MATK: variants seen among roughly 807,000 people sequenced by gnomAD.
MATK encodes the protein megakaryocyte-associated tyrosine kinase.
MATK carries 41 observed loss-of-function variants against 59.8 expected under a neutral mutation model. The observed-to-expected ratio is 0.69, with a 90% CI of 0.53 to 0.89. MATK has a LOEUF of 0.89. Among genes scored for constraint, MATK ranks in the 40% least tolerant of loss-of-function variants. MATK has a pLI of 0.00. For synonymous variants in MATK, 308 were observed against 306.1 expected, an observed-to-expected ratio of 1.01 and a Z score of -0.06; for missense variants, 593 against 719.6, an observed-to-expected ratio of 0.82 and a Z score of 2.01.
At chr19:3,783,033 C>T in intron 7 of MATK, 93 bp downstream of exon 7, 1 of 1,132,824 alleles carries the variant, frequency 8.8e-7, no homozygotes, top group East Asian at 2.4e-5. Context: ...CTTGGGTGAT[C>T]TGGCCTCAGA....
At position 3,783,467 on chromosome 19, in the gene MATK, C is replaced by T. The variant is rs114603814; in HGVS notation, c.583-248G>A. On this transcript the variant is annotated intron_variant, in intron 6 of 13. Coordinates refer to ENST00000310132, the MANE Select transcript of MATK (RefSeq NM_139355.3). ...GTCCCTGGAGGTAGAACCAGGCTGA[C>T]TCAGGCCACCTGTAGATTGGGCAGT... Among the ~76,000 whole-genome samples, 1,311 of 152,214 alleles carry T rather than the reference C, an allele frequency of 8.6e-3. 18 individuals carry two copies. Among genetic ancestry groups the T allele is most frequent in the African/African-American group, 0.03 (1,265 of 41,508 alleles).
In MATK at chr19:3,779,605, G is replaced by T. The variant is rs369836671; in HGVS notation, c.855C>A (p.His285Gln). The change falls in exon 10 of 14, where the codon CAC becomes CAA. Residue 285 changes from histidine (H) to glutamine (Q), a missense_variant. By Grantham distance (24) the His-to-Gln change is conservative. Transcript: ENST00000310132. ...CGCCCAGGAGACGCACCAGGTTCTC[G>T]TGTTGCATCTTCCTGGGGGCGGTGG... Reference protein sequence around the residue: ...DETAVMTKMQHENLVRLLGVI... With the variant: ...DETAVMTKMQQENLVRLLGVI... 2 of 1,611,986 alleles carry T rather than the reference G, an allele frequency of 1.2e-6. No homozygotes were observed. Among genetic ancestry groups the T allele is most frequent in the Non-Finnish European group, 1.7e-6 (2 of 1,179,536 alleles).
intron 1 of MATK, among the ~76,000 whole-genome samples, chr19:3,796,103 A>T (rs192701441): frequency 2.6e-4 from 40 of 152,200 alleles, no homozygotes; most frequent in Admixed American, 2.2e-3. Flanking sequence ...CATGGCATGT[A>T]ATAAGCTCTC....
intron 1 of MATK, chr19:3,793,256 G>A (rs936615997): frequency 6.6e-6 from 1 of 152,238 alleles, no homozygotes; most frequent in African/African-American, 2.4e-5. Context: ...AACTGGGTCT[G>A]TGTCACATCC....
At chr19:3,798,100 T>TA (rs1250865938) in intron 1 of MATK, among the ~76,000 whole-genome samples, 1 of 152,002 alleles carries the variant, frequency 6.6e-6, no homozygotes, top group Non-Finnish European at 1.5e-5. Context: ...AAGGCAAACT[T>TA]ATACTTGTTT....
upstream of MATK, chr19:3,789,239 A>G: frequency 1.3e-6 from 1 of 766,266 alleles, no homozygotes; most frequent in Non-Finnish European, 2.4e-6. Context: ...AAATATCTGC[A>G]GCGGAAAACC....
At chr19:3,783,007 TG>T in intron 7 of MATK, 118 bp downstream of exon 7, 2 of 856,236 alleles carry the variant, frequency 2.3e-6, no homozygotes, top group Non-Finnish European at 3.8e-6. Context: ...ATCCCATAGC[TG>T]GGCATGGAGA....
chr19:3,781,135 G>A (rs1476509869), intron 8 of MATK, among the ~76,000 whole-genome samples: 2 of 152,134 alleles, frequency 1.3e-5, no homozygotes, highest in Non-Finnish European at 2.9e-5. Context: ...TAGTTTTCAT[G>A]GCCACGCCCA....
intron 1 of MATK, among the ~76,000 whole-genome samples, chr19:3,792,800 G>A (rs1048963298): frequency 2.0e-5 from 3 of 152,152 alleles, no homozygotes; most frequent in African/African-American, 7.2e-5. Flanking sequence ...TTACAGGCGT[G>A]AGCCACCGTT....
upstream of MATK, among the ~76,000 whole-genome samples, chr19:3,789,802 G>A (rs1292221776): frequency 1.4e-5 from 2 of 143,366 alleles, no homozygotes; most frequent in South Asian, 4.4e-4. Context: ...TCGGCTCACT[G>A]CAACCTCCAT....
At chr19:3,801,126 C>A (rs1428180998) in intron 1 of MATK, among the ~76,000 whole-genome samples, 4 of 152,182 alleles carry the variant, frequency 2.6e-5, no homozygotes, top group Admixed American at 2.6e-4. Flanking sequence ...CGTGAGCCAC[C>A]GCGCCCGGCC....
chr19:3,778,727 C>T (rs2037354776), intron 12 of MATK, 132 bp from the exon 13 acceptor site: 16 of 1,041,668 alleles, frequency 1.5e-5, no homozygotes, highest in Admixed American at 4.1e-5. Flanking sequence ...CCCCCAACGC[C>T]GCCCGCAGTT....
intron 1 of MATK, among the ~76,000 whole-genome samples, chr19:3,800,819 C>T (rs1212560369): frequency 6.6e-6 from 1 of 152,074 alleles, no homozygotes; most frequent in Non-Finnish European, 1.5e-5. Flanking sequence ...TGTGGAAAAA[C>T]ACATGTAACA....
chr19:3,791,013 C>T (rs2145110963), upstream of MATK, among the ~76,000 whole-genome samples: 1 of 152,300 alleles, frequency 6.6e-6, no homozygotes, highest in East Asian at 1.9e-4. Flanking sequence ...GTTCCGTATC[C>T]TTAGAACCAG....
At position 3,783,852 on chromosome 19, in the gene MATK, CATCGATT is replaced by C; in HGVS notation, c.537_543del (p.Ile180ArgfsTer27). On this transcript the variant is annotated frameshift_variant, in exon 6 of 14. Transcript: ENST00000310132. LOFTEE classifies it high-confidence loss of function. ...ATGAGGTTGCAGAAGAACACGGCCT[CATCGATT>C]GTGAGGTGGCCGTCGCGGTGCAGCA... is the stretch of plus-strand genomic sequence containing the variant. 1.2e-6 allele frequency: 2 copies of C among 1,613,126 alleles called. No homozygotes were observed. The highest frequency in any genetic ancestry group is 1.7e-6 in the Non-Finnish European group (2 of 1,179,798).
chr19:3,778,405 C>T lies in MATK; in HGVS notation c.1302G>A (p.Ser434=), dbSNP rs374573673. 22 of 1,612,992 alleles carry T rather than the reference C, an allele frequency of 1.4e-5. No homozygotes were observed. The highest frequency in any genetic ancestry group is 5.3e-5 in the African/African-American group (4 of 75,034). ...TGCGGTACCCCTTCTCCACGGCCTCCGACACCTCTTTCAGTGACTGCGGAC... is the reference window on the plus strand; with the variant it reads ...TGCGGTACCCCTTCTCCACGGCCTCTGACACCTCTTTCAGTGACTGCGGAC... ...PYPKMSLKEV[S]EAVEKGYRME... The change falls in exon 14 of 14, where the codon TCG becomes TCA. Residue 434 remains serine, a synonymous_variant. Transcript: ENST00000310132.
upstream of MATK, among the ~76,000 whole-genome samples, chr19:3,791,153 G>A (rs1051686464): frequency 6.6e-6 from 1 of 152,136 alleles, no homozygotes; most frequent in Non-Finnish European, 1.5e-5. Context: ...GAAGTGGGGA[G>A]TTAAAATTAA....
chr19:3,801,126 C>T (rs1428180998), intron 1 of MATK, among the ~76,000 whole-genome samples: 1 of 152,182 alleles, frequency 6.6e-6, no homozygotes, highest in Non-Finnish European at 1.5e-5. Context: ...CGTGAGCCAC[C>T]GCGCCCGGCC....
At chr19:3,792,858 G>C (rs2037556288) in intron 1 of MATK, among the ~76,000 whole-genome samples, 1 of 152,304 alleles carries the variant, frequency 6.6e-6, no homozygotes, top group South Asian at 2.1e-4. Flanking sequence ...AGGCCGGGGT[G>C]GGGAGGCCAC....
Sources: gnomAD v4.1 joint callset for allele counts (sites outside exome capture counted in the v4.1 genomes callset) on GRCh38, gnomAD v4.1.1 for gene constraint, MANE v1.5 for transcripts, NCBI Gene and HGNC (gene_info 2026-07-23, HGNC 2026-07-21) for gene names.